The following PPP6R3 variants were observed in gnomAD, a reference collection of about 807,000 sequenced individuals.
The protein encoded by PPP6R3 is protein phosphatase 6 regulatory subunit 3.
In PPP6R3, 38 loss-of-function variants were observed where a neutral mutation model predicts 110.7. The observed-to-expected ratio is 0.34, with a 90% CI of 0.26 to 0.45. PPP6R3 has a LOEUF of 0.45. PPP6R3 is among the 20% of genes least tolerant of loss of function. The pLI is 1.00. For synonymous variants in PPP6R3, 369 were observed against 373.5 expected, an observed-to-expected ratio of 0.99 and a Z score of 0.14; for missense variants, 870 against 1,062.4, an observed-to-expected ratio of 0.82 and a Z score of 2.52.
At position 68,562,263 on chromosome 11, in the gene PPP6R3, C is replaced by T. The variant is rs139989106; in HGVS notation, c.846-2040C>T. On this transcript the variant is annotated intron_variant, in intron 8 of 23. Coordinates refer to ENST00000393800, the MANE Select transcript of PPP6R3 (RefSeq NM_001164161.2). ...AAAATGTGTGCAAGGCTTAATGCCC[C>T]AAAACTATAGAATATTGATGAAATC... Among the ~76,000 whole-genome samples the T allele has an allele frequency of 1.2e-4, 18 of 152,118 alleles. No homozygotes were observed. In the East Asian group the frequency reaches 3.5e-3, roughly 29 times the overall value.
intron 18 of PPP6R3, among the ~76,000 whole-genome samples, chr11:68,593,495 T>C (rs912808191): frequency 1.5e-4 from 23 of 152,172 alleles, no homozygotes; most frequent in Non-Finnish European, 8.8e-5. Flanking sequence ...TGAAGATAGA[T>C]TGTGATGTTA....
intron 1 of PPP6R3, among the ~76,000 whole-genome samples, chr11:68,471,946 T>C (rs568973051): frequency 1.3e-4 from 19 of 151,780 alleles, no homozygotes; most frequent in African/African-American, 4.6e-4. Context: ...GGAAGAGTTC[T>C]CAGCAGTCAG....
At chr11:68,551,918 G>A (rs897178082) in intron 6 of PPP6R3, among the ~76,000 whole-genome samples, 2 of 152,198 alleles carry the variant, frequency 1.3e-5, no homozygotes, top group African/African-American at 4.8e-5. Flanking sequence ...CAGTAACTTT[G>A]TTATACTTCC....
chr11:68,554,999 T>C (rs928562104), intron 7 of PPP6R3, among the ~76,000 whole-genome samples: 1 of 152,256 alleles, frequency 6.6e-6, no homozygotes, highest in African/African-American at 2.4e-5. Flanking sequence ...TAACTACCTA[T>C]AATGCCGTTT....
At chr11:68,469,621 C>A (rs563754069) in intron 1 of PPP6R3, among the ~76,000 whole-genome samples, 6 of 152,090 alleles carry the variant, frequency 3.9e-5, no homozygotes, top group South Asian at 2.1e-4. Context: ...TCAAGCAGTC[C>A]TCCCACCTTG....
intron 15 of PPP6R3, among the ~76,000 whole-genome samples, chr11:68,584,484 A>G (rs1328885809): frequency 2.6e-5 from 4 of 152,228 alleles, no homozygotes; most frequent in Non-Finnish European, 5.9e-5. Context: ...GTAAATTATC[A>G]AGGTAATTTT....
At position 68,571,118 on chromosome 11, in the gene PPP6R3, T is replaced by G; in HGVS notation, c.1343+14T>G. On this transcript the variant is annotated intron_variant, in intron 12 of 23. Coordinates refer to ENST00000393800, the MANE Select transcript of PPP6R3 (RefSeq NM_001164161.2). ...TGAGAAGAAACAGTAAGTAAATTGT[T>G]TTTTTGAAAGGAATTCAGTTTGGTT... 1 of 1,595,346 alleles carries G rather than the reference T, an allele frequency of 6.3e-7. No homozygotes were observed. The highest frequency in any genetic ancestry group is 8.5e-7 in the Non-Finnish European group (1 of 1,174,426).
At chr11:68,524,932 C>T (rs781535788) in intron 2 of PPP6R3, among the ~76,000 whole-genome samples, 1 of 152,188 alleles carries the variant, frequency 6.6e-6, no homozygotes, top group South Asian at 2.1e-4. Flanking sequence ...GCACATGGTT[C>T]CTCTTCCTGA....
chr11:68,580,587 G>A (rs937609505), intron 14 of PPP6R3, among the ~76,000 whole-genome samples: 54 of 152,100 alleles, frequency 3.6e-4, no homozygotes, highest in African/African-American at 1.3e-3. Context: ...AGATGACCGA[G>A]GTTTCTAGTT....
At chr11:68,503,236 C>G (rs1364154383) in intron 1 of PPP6R3, among the ~76,000 whole-genome samples, 1 of 152,220 alleles carries the variant, frequency 6.6e-6, no homozygotes, top group Non-Finnish European at 1.5e-5. Context: ...GCCACCGTGC[C>G]CGGCCTGGAG....
rs778717055 is a variant in PPP6R3 at position 68,613,849 on chromosome 11, A to G, written c.*732A>G. 17 of 983,808 alleles carry G rather than the reference A, an allele frequency of 1.7e-5. No individual in the cohort carries two copies. Among genetic ancestry groups the G allele is most frequent in the Non-Finnish European group, 2.0e-5 (17 of 829,650 alleles). 60.9% of individuals were successfully genotyped at this position (983,808 alleles called of 1,614,324 possible). A position where few individuals can be genotyped will look rare whatever the true frequency, so the allele number is the denominator to read the frequency against. On this transcript the variant is annotated 3_prime_UTR_variant, in exon 24 of 24. Transcript: ENST00000393800. ...TTGTTTGCTTGAAATGATTATTCCT[A>G]CAAGTGAAACACTAGACTATTTGGA...
At chr11:68,532,868 T>C (rs1293990102) in intron 2 of PPP6R3, among the ~76,000 whole-genome samples, 1 of 152,188 alleles carries the variant, frequency 6.6e-6, no homozygotes. Context: ...AGCCTAGGTG[T>C]GTAGTAGGCT....
intron 1 of PPP6R3, among the ~76,000 whole-genome samples, chr11:68,483,603 C>T (rs1341294001): frequency 3.3e-5 from 5 of 152,144 alleles, no homozygotes; most frequent in African/African-American, 1.2e-4. Context: ...CTGCCTCAGC[C>T]TCCTGAGTAG....
chr11:68,511,300 T>G (rs982474626), intron 1 of PPP6R3, among the ~76,000 whole-genome samples: 1 of 151,226 alleles, frequency 6.6e-6, no homozygotes, highest in South Asian at 2.1e-4. Context: ...CTCCTGACCT[T>G]GTGATCCGCC....
At chr11:68,553,925 C>T (rs1006873766) in intron 6 of PPP6R3, among the ~76,000 whole-genome samples, 1 of 152,158 alleles carries the variant, frequency 6.6e-6, no homozygotes, top group African/African-American at 2.4e-5. Flanking sequence ...CGACATCTCC[C>T]TGCACATAGC....
At chr11:68,569,187 T>G (rs183272309) in intron 10 of PPP6R3, among the ~76,000 whole-genome samples, 75 of 152,310 alleles carry the variant, frequency 4.9e-4, no homozygotes, top group Non-Finnish European at 9.7e-4. Context: ...ATGTTTGTTG[T>G]TGGTTTTTTA....
At position 68,545,034 on chromosome 11, in the gene PPP6R3, AT is replaced by A; in HGVS notation, c.414+14del. 1 of 1,578,384 alleles carries A rather than the reference AT, an allele frequency of 6.3e-7. No individual in the cohort carries two copies. The highest frequency in any genetic ancestry group is 2.2e-5 in the East Asian group (1 of 44,654). Reference sequence around the variant, plus strand: ...CAGAAAACCAGAACAGGTAAATATGATTTTCCAAAAGGTAAGTATTAGGGCT... The same window carrying A: ...CAGAAAACCAGAACAGGTAAATATGATTTCCAAAAGGTAAGTATTAGGGCT... On this transcript the variant is annotated intron_variant, in intron 4 of 23. Transcript: ENST00000393800.
chr11:68,480,892 T>C (rs2098904310), intron 1 of PPP6R3, among the ~76,000 whole-genome samples: 2 of 152,246 alleles, frequency 1.3e-5, no homozygotes, highest in Non-Finnish European at 2.9e-5. Flanking sequence ...TCAACTCTTT[T>C]ACATTAGGTA....
At chr11:68,536,742 C>T (rs770109776) in intron 2 of PPP6R3, among the ~76,000 whole-genome samples, 6 of 152,126 alleles carry the variant, frequency 3.9e-5, no homozygotes, top group East Asian at 1.9e-4. Flanking sequence ...TGTAGGTTTT[C>T]GTTTGGGGGT....
Sources: gnomAD v4.1 joint callset for allele counts (sites outside exome capture counted in the v4.1 genomes callset) on GRCh38, gnomAD v4.1.1 for gene constraint, MANE v1.5 for transcripts, NCBI Gene and HGNC (gene_info 2026-07-23, HGNC 2026-07-21) for gene names.